The following MYRIP variants were observed in gnomAD, a reference collection of about 807,000 sequenced individuals.
MYRIP encodes myosin VIIA and Rab interacting protein, also known as rab effector MyRIP.
MYRIP carries 49 observed loss-of-function variants against 98.0 expected under a neutral mutation model. The observed-to-expected ratio is 0.50, with a 90% CI of 0.40 to 0.63. MYRIP has a LOEUF of 0.63. MYRIP is among the 30% of genes least tolerant of loss of function. The probability of loss-of-function intolerance (pLI) is 0.00; values close to 1 mark genes in which losing one functional copy is unlikely to be tolerated. For missense variants in MYRIP, 1,004 were observed against 1,058.2 expected (o/e 0.95, Z 0.71); for synonymous variants, 404 against 409.5 (o/e 0.99, Z 0.16).
intron 2 of MYRIP, among the ~76,000 whole-genome samples, chr3:40,016,106 T>C (rs778391188): frequency 3.3e-5 from 5 of 152,084 alleles, no homozygotes; most frequent in African/African-American, 1.2e-4. Context: ...GCAGGTGGCT[T>C]GGTCCTAGAC....
intron 8 of MYRIP, among the ~76,000 whole-genome samples, chr3:40,176,759 A>G (rs946543757): frequency 2.0e-5 from 3 of 151,804 alleles, no homozygotes; most frequent in Non-Finnish European, 4.4e-5. Context: ...AATACAAAAA[A>G]TTAGCTGGGT....
intron 10 of MYRIP, among the ~76,000 whole-genome samples, chr3:40,206,886 A>G (rs1951804567): frequency 6.6e-6 from 1 of 152,220 alleles, no homozygotes; most frequent in South Asian, 2.1e-4. Flanking sequence ...TGGGTTAACT[A>G]TTTTAGCCTT....
At chr3:40,160,038 G>T (rs2125586866) in intron 4 of MYRIP, among the ~76,000 whole-genome samples, 1 of 152,284 alleles carries the variant, frequency 6.6e-6, no homozygotes, top group South Asian at 2.1e-4. Context: ...TTGCTGGTGA[G>T]GAACTGTGTT....
chr3:40,036,634 A>G (rs1483608148), intron 2 of MYRIP, among the ~76,000 whole-genome samples: 2 of 152,108 alleles, frequency 1.3e-5, no homozygotes, highest in African/African-American at 2.4e-5. Context: ...TTCTGAAGGA[A>G]GTATATATTG....
chr3:40,025,622 T>C (rs1257576671), intron 2 of MYRIP, among the ~76,000 whole-genome samples: 4 of 152,130 alleles, frequency 2.6e-5, no homozygotes, highest in Non-Finnish European at 4.4e-5. Context: ...CTTTCTATTT[T>C]CCCTAAGTGT....
At chr3:39,983,554 T>C (rs1308608735) in intron 2 of MYRIP, among the ~76,000 whole-genome samples, 2 of 152,202 alleles carry the variant, frequency 1.3e-5, no homozygotes, top group Admixed American at 6.5e-5. Flanking sequence ...TCTATTTACT[T>C]ATTTATTCAA....
intron 2 of MYRIP, among the ~76,000 whole-genome samples, chr3:39,939,969 GTTAT>G (rs1306445330): frequency 2.6e-5 from 4 of 151,652 alleles, no homozygotes; most frequent in Non-Finnish European, 5.9e-5. Flanking sequence ...ATATACACAT[GTTAT>G]TTATCTGTTT....
At chr3:39,875,068 G>C (rs1178099666) in intron 1 of MYRIP, among the ~76,000 whole-genome samples, 1 of 152,132 alleles carries the variant, frequency 6.6e-6, no homozygotes, top group Non-Finnish European at 1.5e-5. Flanking sequence ...GTTTAGTCTT[G>C]GGAGGGTGTA....
At chr3:40,097,504 A>G (rs970858382) in intron 3 of MYRIP, among the ~76,000 whole-genome samples, 2 of 152,166 alleles carry the variant, frequency 1.3e-5, no homozygotes, top group African/African-American at 4.8e-5. Context: ...AATTTATTCA[A>G]GGCTTCTCTT....
In MYRIP at chr3:39,873,574, A is replaced by G. The variant is rs547609526; in HGVS notation, c.-30-27213A>G. On this transcript the variant is annotated intron_variant, in intron 1 of 16. Coordinates refer to ENST00000302541, the MANE Select transcript of MYRIP (RefSeq NM_015460.4). ...CTACATATGGCTAGCCAGTTTTCCC[A>G]GCACCATTTATTAAATAGGGAATCT... Among the ~76,000 whole-genome samples, 54 of 152,320 alleles carry G rather than the reference A, an allele frequency of 3.5e-4. 1 individual carries two copies. In the Middle Eastern group the frequency reaches 0.017, roughly 48 times the overall value.
At chr3:40,217,944 A>G (rs953945604) in intron 11 of MYRIP, among the ~76,000 whole-genome samples, 10 of 152,182 alleles carry the variant, frequency 6.6e-5, no homozygotes, top group African/African-American at 2.4e-4. Flanking sequence ...AATAAAATCA[A>G]CTGAAAAGAT....
intron 2 of MYRIP, among the ~76,000 whole-genome samples, chr3:40,032,281 C>G (rs928303771): frequency 2.0e-5 from 3 of 152,010 alleles, no homozygotes; most frequent in African/African-American, 7.3e-5. Context: ...TGTTCAGTTT[C>G]CATGTAGTAG....
chr3:40,244,683 T>C, intron 13 of MYRIP, 76 bp downstream of exon 13: 1 of 1,455,410 alleles, frequency 6.9e-7, no homozygotes, highest in Non-Finnish European at 9.2e-7. Context: ...AGAATCACTT[T>C]AAAGCCATTG....
intron 3 of MYRIP, among the ~76,000 whole-genome samples, chr3:40,078,061 A>T (rs986253746): frequency 2.0e-4 from 31 of 152,218 alleles, no homozygotes; most frequent in African/African-American, 6.0e-4. Flanking sequence ...GCAGGTCCCG[A>T]GCCCTGCCCC....
intron 8 of MYRIP, among the ~76,000 whole-genome samples, chr3:40,172,233 G>A (rs112645928): frequency 6.6e-6 from 1 of 152,196 alleles, no homozygotes; most frequent in African/African-American, 2.4e-5. Context: ...AAACACAGGG[G>A]TATATATTTC....
intron 2 of MYRIP, among the ~76,000 whole-genome samples, chr3:39,939,121 C>T (rs1259593163): frequency 7.2e-6 from 1 of 138,344 alleles, no homozygotes; most frequent in East Asian, 2.1e-4. Context: ...CTTGGAAAAC[C>T]ATAGGCTGCC....
chr3:39,986,673 G>A (rs556543711), intron 2 of MYRIP, among the ~76,000 whole-genome samples: 18 of 152,212 alleles, frequency 1.2e-4, no homozygotes, highest in Non-Finnish European at 2.2e-4. Flanking sequence ...CTGATGGCTC[G>A]GAGCTGCTCT....
chr3:39,991,308 T>G (rs1946169740), intron 2 of MYRIP, among the ~76,000 whole-genome samples: 1 of 152,160 alleles, frequency 6.6e-6, no homozygotes, highest in Non-Finnish European at 1.5e-5. Flanking sequence ...TAAAACCAGA[T>G]GGAAATGTAG....
chr3:40,128,084 T>C (rs1949557636), intron 3 of MYRIP, among the ~76,000 whole-genome samples: 1 of 152,200 alleles, frequency 6.6e-6, no homozygotes, highest in Non-Finnish European at 1.5e-5. Flanking sequence ...TCTAATTCTG[T>C]ATTCTATACT....
Sources: gnomAD v4.1 joint callset for allele counts (sites outside exome capture counted in the v4.1 genomes callset) on GRCh38, gnomAD v4.1.1 for gene constraint, MANE v1.5 for transcripts, NCBI Gene and HGNC (gene_info 2026-07-23, HGNC 2026-07-21) for gene names.